Variants in ARHGAP26 observed in about 807,000 individuals in gnomAD.
ARHGAP26 encodes the protein Rho GTPase activating protein 26.
A neutral mutation model predicts 104.8 loss-of-function variants in ARHGAP26; 38 were observed. The ratio of observed to expected loss-of-function variants is 0.36; its 90% CI spans 0.28 to 0.48. ARHGAP26 has a LOEUF of 0.48. ARHGAP26 is among the 20% of genes least tolerant of loss of function. ARHGAP26 has a pLI of 0.99. For missense variants in ARHGAP26, 704 were observed against 947.9 expected (o/e 0.74, Z 3.38); for synonymous variants, 341 against 340.0 (o/e 1.00, Z -0.03).
chr5:142,881,820 G>A (rs979759690), intron 4 of ARHGAP26, among the ~76,000 whole-genome samples: 1 of 152,218 alleles, frequency 6.6e-6, no homozygotes, highest in Non-Finnish European at 1.5e-5. Context: ...TGGCCAAGTG[G>A]AGGTTCTGAA....
chr5:143,151,212 C>T (rs1310305234), intron 20 of ARHGAP26, among the ~76,000 whole-genome samples: 1 of 152,140 alleles, frequency 6.6e-6, no homozygotes, highest in African/African-American at 2.4e-5. Flanking sequence ...ATAAAAACAA[C>T]AGTGAGATAC....
At chr5:143,135,420 A>G (rs1562487649) in intron 19 of ARHGAP26, among the ~76,000 whole-genome samples, 1 of 152,222 alleles carries the variant, frequency 6.6e-6, no homozygotes, top group Non-Finnish European at 1.5e-5. Flanking sequence ...TGTGAGGTAC[A>G]GTAAAGGGAC....
At chr5:142,873,561 G>A in intron 2 of ARHGAP26, 66 bp downstream of exon 2, 1 of 1,149,998 alleles carries the variant, frequency 8.7e-7, no homozygotes, top group Non-Finnish European at 1.2e-6. Context: ...TGTCCCAGCA[G>A]AGCCTTTTCC....
intron 11 of ARHGAP26, among the ~76,000 whole-genome samples, chr5:142,963,645 A>G (rs1770782907): frequency 6.6e-6 from 1 of 152,170 alleles, no homozygotes; most frequent in Non-Finnish European, 1.5e-5. Flanking sequence ...CCTAAATGTC[A>G]CCTGTGCCTT....
At chr5:143,012,901 G>T (rs1280119355) in intron 11 of ARHGAP26, among the ~76,000 whole-genome samples, 1 of 151,666 alleles carries the variant, frequency 6.6e-6, no homozygotes, top group Non-Finnish European at 1.5e-5. Context: ...TGATCCACCC[G>T]CCTGGGCCTC....
chr5:143,147,619 C>T, intron 20 of ARHGAP26: 2 of 483,540 alleles, frequency 4.1e-6, no homozygotes, highest in Non-Finnish European at 7.2e-6. Context: ...ATTTACTGTC[C>T]TGCTGAGATG....
chr5:142,964,991 CT>C (rs748444686), intron 11 of ARHGAP26, among the ~76,000 whole-genome samples: 1 of 152,160 alleles, frequency 6.6e-6, no homozygotes, highest in African/African-American at 2.4e-5. Flanking sequence ...TGTGAGTCAT[CT>C]CCAATGATAG....
intron 10 of ARHGAP26, among the ~76,000 whole-genome samples, chr5:142,914,884 G>C (rs1393348460): frequency 6.6e-6 from 1 of 152,192 alleles, no homozygotes; most frequent in Admixed American, 6.5e-5. Context: ...AGGAGGTTCA[G>C]AAGATCTGTT....
chr5:142,932,999 C>T (rs905957166), intron 11 of ARHGAP26, among the ~76,000 whole-genome samples: 4 of 152,216 alleles, frequency 2.6e-5, no homozygotes, highest in African/African-American at 9.6e-5. Flanking sequence ...AGCAAGATCT[C>T]TTAAAGATTT....
intron 17 of ARHGAP26, among the ~76,000 whole-genome samples, chr5:143,110,908 G>C (rs1794701727): frequency 6.6e-6 from 1 of 152,214 alleles, no homozygotes; most frequent in Non-Finnish European, 1.5e-5. Flanking sequence ...AAGCTAATCA[G>C]TTAACCCCTG....
intron 4 of ARHGAP26, among the ~76,000 whole-genome samples, chr5:142,883,537 G>A (rs1442161845): frequency 1.3e-5 from 2 of 152,224 alleles, no homozygotes; most frequent in Non-Finnish European, 2.9e-5. Flanking sequence ...TGGATATATG[G>A]TTATTCTGCC....
At chr5:142,902,649 C>A (rs893983148) in intron 7 of ARHGAP26, among the ~76,000 whole-genome samples, 2 of 152,192 alleles carry the variant, frequency 1.3e-5, no homozygotes, top group Non-Finnish European at 2.9e-5. Context: ...CCATGTTATT[C>A]TTCTTATTTT....
chr5:142,942,816 T>C (rs1050901113), intron 11 of ARHGAP26, among the ~76,000 whole-genome samples: 9 of 152,218 alleles, frequency 5.9e-5, no homozygotes, highest in Non-Finnish European at 1.2e-4. Flanking sequence ...AGTCTCACTC[T>C]GTTGCCCATG....
At chr5:143,039,631 T>A in intron 13 of ARHGAP26, among the ~76,000 whole-genome samples, 1 of 150,632 alleles carries the variant, frequency 6.6e-6, no homozygotes. Context: ...AAAAAAAAAA[T>A]CTCTTTCCCC....
At chr5:142,856,770 A>T (rs968466131) in intron 1 of ARHGAP26, among the ~76,000 whole-genome samples, 1 of 152,236 alleles carries the variant, frequency 6.6e-6, no homozygotes, top group African/African-American at 2.4e-5. Context: ...TAAAGTATAC[A>T]GAAGGATGTT....
chr5:142,888,239 C>T (rs1226720929), intron 5 of ARHGAP26, among the ~76,000 whole-genome samples: 10 of 152,188 alleles, frequency 6.6e-5, no homozygotes, highest in Admixed American at 5.2e-4. Flanking sequence ...TTAACTCCAG[C>T]ACTGGCTGTG....
At chr5:142,905,277 C>A (rs987346924) in intron 8 of ARHGAP26, among the ~76,000 whole-genome samples, 1 of 152,150 alleles carries the variant, frequency 6.6e-6, no homozygotes. Flanking sequence ...ACTCTCATGT[C>A]ACACACTTTT....
At chr5:143,061,268 T>C (rs1786663177) in intron 17 of ARHGAP26, among the ~76,000 whole-genome samples, 1 of 152,210 alleles carries the variant, frequency 6.6e-6, no homozygotes, top group Admixed American at 6.5e-5. Flanking sequence ...CCCACTCTTA[T>C]AATCATAGAG....
At chr5:142,862,757 C>T (rs1009275127) in intron 1 of ARHGAP26, among the ~76,000 whole-genome samples, 5 of 152,158 alleles carry the variant, frequency 3.3e-5, no homozygotes, top group Non-Finnish European at 7.3e-5. Flanking sequence ...CTTTCTTTTA[C>T]TTATAAACCT....
Sources: gnomAD v4.1 joint callset for allele counts (sites outside exome capture counted in the v4.1 genomes callset) on GRCh38, gnomAD v4.1.1 for gene constraint, MANE v1.5 for transcripts, NCBI Gene and HGNC (gene_info 2026-07-23, HGNC 2026-07-21) for gene names.